PEX5L: variants seen among roughly 807,000 people sequenced by gnomAD.
PEX5L encodes peroxisomal biogenesis factor 5 like.
Under a neutral mutation model 84.0 loss-of-function variants are expected in PEX5L, and 30 were observed. The observed-to-expected ratio is 0.36, with a 90% CI of 0.27 to 0.48. The LOEUF is 0.48. Among genes scored for constraint, PEX5L ranks in the 20% least tolerant of loss-of-function variants. The probability of loss-of-function intolerance (pLI) is 0.99; values close to 1 mark genes in which losing one functional copy is unlikely to be tolerated. For synonymous variants in PEX5L, 270 were observed against 283.1 expected (o/e 0.95, Z 0.46); for missense variants, 533 against 754.6 (o/e 0.71, Z 3.44).
intron 1 of PEX5L, among the ~76,000 whole-genome samples, chr3:179,989,177 T>C (rs963572580): frequency 1.1e-4 from 17 of 152,324 alleles, no homozygotes; most frequent in Middle Eastern, 3.4e-3. Context: ...ACAGGGACCA[T>C]GGTCTGGCAT....
rs527869349 is a variant in PEX5L, at chr3:180,023,767, CACACAGAGAGAG to C, written c.21+12800_21+12811del. Among the ~76,000 whole-genome samples the C allele has an allele frequency of 9.3e-3, 1,315 of 140,794 alleles. 17 individuals carry two copies. Among genetic ancestry groups the C allele is most frequent in the African/African-American group, 0.038 (1,253 of 33,030 alleles). The allele number at this position is 140,794 out of a possible 152,430, so 92.4% of individuals were successfully genotyped here. ...ACTCATCTACACACACACACGCACA[CACACAGAGAGAG>C]AGAGAGAGAGAGAGAGAGGGAGAGA... On this transcript the variant is annotated intron_variant, in intron 1 of 14. Coordinates refer to ENST00000467460, the MANE Select transcript of PEX5L (RefSeq NM_016559.3).
chr3:179,881,471 C>T (rs1754146256), intron 4 of PEX5L: 1 of 152,192 alleles, frequency 6.6e-6, no homozygotes, highest in African/African-American at 2.4e-5. Flanking sequence ...TTCTTGATCT[C>T]TCTGAGTTTC....
chr3:179,836,885 G>A (rs969404179), intron 8 of PEX5L, among the ~76,000 whole-genome samples: 1 of 152,126 alleles, frequency 6.6e-6, no homozygotes, highest in Non-Finnish European at 1.5e-5. Context: ...CTTAAAAAGA[G>A]CCTATGTGGT....
chr3:179,979,025 T>G (rs1786064328), intron 1 of PEX5L, among the ~76,000 whole-genome samples: 2 of 152,184 alleles, frequency 1.3e-5, no homozygotes, highest in East Asian at 3.9e-4. Flanking sequence ...TAGTATGTAA[T>G]CACCTCTGGT....
intron 1 of PEX5L, among the ~76,000 whole-genome samples, chr3:180,028,805 T>C (rs189999936): frequency 1.2e-3 from 188 of 152,368 alleles, no homozygotes; most frequent in African/African-American, 3.6e-3. Flanking sequence ...GTTGGAGACA[T>C]AAGGAACTGT....
intron 2 of PEX5L, among the ~76,000 whole-genome samples, chr3:179,913,850 A>AT (rs1418144592): frequency 1.3e-5 from 2 of 151,978 alleles, no homozygotes; most frequent in African/African-American, 4.8e-5. Flanking sequence ...AATTTTATTA[A>AT]TTTTTTTCAG....
chr3:179,898,087 G>T, intron 3 of PEX5L, 55 bp downstream of exon 3: 2 of 1,009,088 alleles, frequency 2.0e-6, no homozygotes, highest in Non-Finnish European at 2.9e-6. Context: ...AAATCACAAT[G>T]TCTGATATAT....
In PEX5L at chr3:180,024,378, AC is replaced by A. The variant is rs1370351373; in HGVS notation, c.21+12200del. Among the ~76,000 whole-genome samples the A allele has an allele frequency of 2.4e-4, 32 of 133,094 alleles. 1 individual carries two copies. Among genetic ancestry groups the A allele is most frequent in the African/African-American group, 8.8e-4 (30 of 33,924 alleles). 87.3% of individuals were successfully genotyped at this position (133,094 alleles called of 152,430 possible). A position where few individuals can be genotyped will look rare whatever the true frequency, so the allele number is the denominator to read the frequency against. On this transcript the variant is annotated intron_variant, in intron 1 of 14. Coordinates refer to ENST00000467460, the MANE Select transcript of PEX5L (RefSeq NM_016559.3). ...TATATATATATATATATATATACACACACAAAAAAAAAAAAAATTAGCCGTG... is the reference window on the plus strand; with the variant it reads ...TATATATATATATATATATATACACAACAAAAAAAAAAAAAATTAGCCGTG...
chr3:179,874,738 GTTTT>G (rs3836472), intron 6 of PEX5L, among the ~76,000 whole-genome samples: 19 of 45,994 alleles, frequency 4.1e-4, no homozygotes, highest in Admixed American at 1.4e-3. Context: ...TTTTTTTTTT[GTTTT>G]TTTTTTTTTT....
At chr3:179,973,901 C>A in intron 1 of PEX5L, 1 of 985,456 alleles carries the variant, frequency 1.0e-6, no homozygotes, top group Non-Finnish European at 1.2e-6. Flanking sequence ...CACAACAGTA[C>A]ACAAAGCTGG....
intron 1 of PEX5L, among the ~76,000 whole-genome samples, chr3:180,026,277 G>C (rs1790951258): frequency 6.6e-6 from 1 of 151,230 alleles, no homozygotes; most frequent in South Asian, 2.1e-4. Flanking sequence ...ATACCTCCAA[G>C]ATTCCATTTT....
intron 10 of PEX5L, among the ~76,000 whole-genome samples, chr3:179,813,524 G>A (rs920632651): frequency 2.0e-5 from 3 of 152,156 alleles, no homozygotes; most frequent in Non-Finnish European, 4.4e-5. Context: ...TTTGAGACAG[G>A]GTCTTGCTCT....
At chr3:179,906,047 G>A (rs1446008884) in intron 2 of PEX5L, among the ~76,000 whole-genome samples, 1 of 152,174 alleles carries the variant, frequency 6.6e-6, no homozygotes, top group African/African-American at 2.4e-5. Context: ...ATAGTTTCAA[G>A]CACCTAAATA....
chr3:180,026,257 A>G (rs1790949725), intron 1 of PEX5L, among the ~76,000 whole-genome samples: 1 of 150,956 alleles, frequency 6.6e-6, no homozygotes, highest in Non-Finnish European at 1.5e-5. Context: ...TGTGAACTCT[A>G]AAGACCTTTA....
chr3:179,843,950 T>C (rs1227099319), intron 8 of PEX5L, among the ~76,000 whole-genome samples: 2 of 152,220 alleles, frequency 1.3e-5, no homozygotes, highest in Non-Finnish European at 2.9e-5. Flanking sequence ...TCCTGAGTAA[T>C]GAGGCAGAGA....
intron 2 of PEX5L, among the ~76,000 whole-genome samples, chr3:179,919,318 C>T (rs34625764): frequency 0.14 from 21,436 of 152,216 alleles, 1,554 homozygotes; most frequent in Middle Eastern, 0.24. Flanking sequence ...ACTACCACAG[C>T]AAGCAGCCTC....
intron 10 of PEX5L, among the ~76,000 whole-genome samples, chr3:179,813,184 T>G (rs1393492412): frequency 6.6e-6 from 1 of 152,190 alleles, no homozygotes; most frequent in Non-Finnish European, 1.5e-5. Context: ...TTTTCTAGCC[T>G]TTGGCCATGG....
intron 12 of PEX5L, among the ~76,000 whole-genome samples, chr3:179,808,883 C>G (rs1387104052): frequency 6.6e-6 from 1 of 151,812 alleles, no homozygotes; most frequent in East Asian, 1.9e-4. Context: ...CAAGACCATC[C>G]TGGCTAAGGT....
intron 1 of PEX5L, among the ~76,000 whole-genome samples, chr3:180,014,732 G>GA (rs1789793495): frequency 6.6e-6 from 1 of 151,338 alleles, no homozygotes; most frequent in Non-Finnish European, 1.5e-5. Context: ...AATACTACTG[G>GA]AAAAAAAATA....
Sources: gnomAD v4.1 joint callset for allele counts (sites outside exome capture counted in the v4.1 genomes callset) on GRCh38, gnomAD v4.1.1 for gene constraint, MANE v1.5 for transcripts, NCBI Gene and HGNC (gene_info 2026-07-23, HGNC 2026-07-21) for gene names.